Variants in NKAIN2 observed in about 807,000 individuals in gnomAD.
NKAIN2 encodes the protein sodium/potassium-transporting ATPase subunit beta-1-interacting protein 2.
Under a neutral mutation model 32.6 loss-of-function variants are expected in NKAIN2, and 14 were observed. The ratio of observed to expected loss-of-function variants is 0.43; its 90% CI spans 0.28 to 0.67. The LOEUF (loss-of-function observed/expected upper bound fraction) is 0.67. NKAIN2 is among the 30% of genes least tolerant of loss of function. NKAIN2 has a pLI of 0.17. For synonymous variants in NKAIN2, 80 were observed against 87.2 expected (o/e 0.92, Z 0.46); for missense variants, 198 against 258.3 (o/e 0.77, Z 1.60).
At chr6:124,430,407 G>A (rs543679545) in intron 3 of NKAIN2, among the ~76,000 whole-genome samples, 1 of 152,224 alleles carries the variant, frequency 6.6e-6, no homozygotes, top group Non-Finnish European at 1.5e-5. Flanking sequence ...TATCTCTTAT[G>A]GAGGTTGACT....
chr6:124,306,022 C>A (rs1002830242), intron 2 of NKAIN2, among the ~76,000 whole-genome samples: 3 of 152,012 alleles, frequency 2.0e-5, no homozygotes, highest in African/African-American at 7.2e-5. Flanking sequence ...TTGTCATCAC[C>A]CTCACCCTCA....
intron 5 of NKAIN2, among the ~76,000 whole-genome samples, chr6:124,810,304 T>TA (rs1490466922): frequency 2.0e-5 from 3 of 151,836 alleles, no homozygotes; most frequent in African/African-American, 7.3e-5. Flanking sequence ...TATGCAGCCA[T>TA]AAAAAATGAT....
intron 1 of NKAIN2, among the ~76,000 whole-genome samples, chr6:123,923,708 G>A (rs1275828501): frequency 4.8e-5 from 7 of 146,574 alleles, no homozygotes; most frequent in Admixed American, 2.1e-4. Flanking sequence ...ACCAAACACC[G>A]CATATTCTCA....
intron 1 of NKAIN2, among the ~76,000 whole-genome samples, chr6:123,953,266 G>A (rs990166542): frequency 6.6e-6 from 1 of 152,162 alleles, no homozygotes; most frequent in East Asian, 1.9e-4. Flanking sequence ...AGAAGTAGCA[G>A]CAGGGGGACA....
At chr6:124,691,277 C>G (rs1401027528) in intron 4 of NKAIN2, among the ~76,000 whole-genome samples, 1 of 152,130 alleles carries the variant, frequency 6.6e-6, no homozygotes, top group Non-Finnish European at 1.5e-5. Flanking sequence ...GCAATCTCTG[C>G]TCTAATCACT....
intron 1 of NKAIN2, among the ~76,000 whole-genome samples, chr6:124,057,227 G>A (rs1782696367): frequency 6.6e-6 from 1 of 152,022 alleles, no homozygotes; most frequent in South Asian, 2.1e-4. Flanking sequence ...CATGCCCAGT[G>A]TTGATAAATC....
In NKAIN2 at chr6:124,411,846, C is replaced by T. The variant is rs576445325; in HGVS notation, c.273+56499C>T. 1.6e-4 allele frequency among the ~76,000 whole-genome samples: 25 copies of T among 152,306 alleles called. 1 individual carries two copies. The South Asian group carries it at 4.1e-3, about 25-fold the overall frequency. On this transcript the variant is annotated intron_variant, in intron 3 of 6. Coordinates refer to ENST00000368417, the MANE Select transcript of NKAIN2 (RefSeq NM_001040214.3). ...ATCAGACATGGATTTGGTCTTTTCA[C>T]GTAGTTCCATATTTCATGGAGGCTT...
At chr6:124,388,824 A>G (rs936749060) in intron 3 of NKAIN2, among the ~76,000 whole-genome samples, 1 of 152,006 alleles carries the variant, frequency 6.6e-6, no homozygotes, top group African/African-American at 2.4e-5. Context: ...TAGTCTATTT[A>G]GTGCCATTTT....
At chr6:123,804,278 A>G (rs1437380248) in intron 1 of NKAIN2, 24 bp downstream of exon 1, 1 of 1,598,760 alleles carries the variant, frequency 6.3e-7, no homozygotes, top group African/African-American at 1.3e-5. Flanking sequence ...GGGTCCCCTT[A>G]TTCTGTAATG....
At chr6:124,769,445 A>G (rs575307617) in intron 4 of NKAIN2, among the ~76,000 whole-genome samples, 1 of 152,284 alleles carries the variant, frequency 6.6e-6, no homozygotes, top group Non-Finnish European at 1.5e-5. Context: ...AGTTCCTCCT[A>G]TTAATGAAGA....
At chr6:124,145,069 A>G (rs1037712248) in intron 1 of NKAIN2, among the ~76,000 whole-genome samples, 6 of 152,220 alleles carry the variant, frequency 3.9e-5, no homozygotes, top group African/African-American at 1.2e-4. Flanking sequence ...AATTAATACT[A>G]TAATCAGATA....
intron 1 of NKAIN2, among the ~76,000 whole-genome samples, chr6:123,881,506 G>C (rs925053286): frequency 1.3e-5 from 2 of 152,112 alleles, no homozygotes; most frequent in Non-Finnish European, 2.9e-5. Flanking sequence ...GTCATAATTT[G>C]GATTGCTCAG....
chr6:124,087,708 T>C (rs1195011524), intron 1 of NKAIN2, among the ~76,000 whole-genome samples: 1 of 151,952 alleles, frequency 6.6e-6, no homozygotes, highest in Admixed American at 6.6e-5. Context: ...AAAATTCAAT[T>C]GCGTATGTAA....
chr6:124,250,764 T>C (rs909379780), intron 1 of NKAIN2, among the ~76,000 whole-genome samples: 2 of 151,982 alleles, frequency 1.3e-5, no homozygotes, highest in African/African-American at 4.8e-5. Flanking sequence ...TTAGTAAAGA[T>C]ATAGGTACAT....
intron 2 of NKAIN2, among the ~76,000 whole-genome samples, chr6:124,318,868 T>G (rs1797064729): frequency 6.6e-6 from 1 of 152,094 alleles, no homozygotes; most frequent in Non-Finnish European, 1.5e-5. Context: ...GATTCCAAAG[T>G]CTGCTGAGTA....
intron 1 of NKAIN2, among the ~76,000 whole-genome samples, chr6:123,805,382 G>T (rs953111907): frequency 3.3e-5 from 5 of 152,172 alleles, no homozygotes; most frequent in African/African-American, 4.8e-5. Context: ...ATCAGTTGTC[G>T]TGAAGCCCAT....
intron 3 of NKAIN2, among the ~76,000 whole-genome samples, chr6:124,532,785 C>T (rs1779571938): frequency 1.3e-5 from 2 of 152,202 alleles, no homozygotes; most frequent in African/African-American, 2.4e-5. Flanking sequence ...GCTGGGAATG[C>T]TCCCATGGTT....
At chr6:124,278,676 T>G (rs1795154835) in intron 1 of NKAIN2, among the ~76,000 whole-genome samples, 2 of 126,076 alleles carry the variant, frequency 1.6e-5, no homozygotes, top group Non-Finnish European at 3.4e-5. Context: ...TATATATATA[T>G]ATATATATAT....
At chr6:124,470,221 A>G (rs1424457142) in intron 3 of NKAIN2, among the ~76,000 whole-genome samples, 1 of 152,160 alleles carries the variant, frequency 6.6e-6, no homozygotes, top group African/African-American at 2.4e-5. Context: ...CAGAACATCA[A>G]AGGGTGCTGG....
Sources: gnomAD v4.1 joint callset for allele counts (sites outside exome capture counted in the v4.1 genomes callset) on GRCh38, gnomAD v4.1.1 for gene constraint, MANE v1.5 for transcripts, NCBI Gene and HGNC (gene_info 2026-07-23, HGNC 2026-07-21) for gene names.